Variants in KCTD8 observed in about 807,000 individuals in gnomAD.
KCTD8 encodes potassium channel tetramerization domain containing 8, also known as BTB/POZ domain-containing protein KCTD8.
Under a neutral mutation model 31.5 loss-of-function variants are expected in KCTD8, and 27 were observed. The observed-to-expected ratio is 0.86, with a 90% CI of 0.63 to 1.18. The LOEUF (loss-of-function observed/expected upper bound fraction) is 1.18. Among genes scored for constraint, KCTD8 ranks in the 50% most tolerant of loss-of-function variants. The pLI, the probability that KCTD8 is intolerant of heterozygous loss-of-function variation, is 0.00. For missense variants in KCTD8, 658 were observed against 647.7 expected (o/e 1.02, Z -0.17); for synonymous variants, 290 against 280.0 (o/e 1.04, Z -0.36).
intron 1 of KCTD8, among the ~76,000 whole-genome samples, chr4:44,432,254 C>T (rs766377937): frequency 6.6e-6 from 1 of 151,466 alleles, no homozygotes; most frequent in Non-Finnish European, 1.5e-5. Context: ...CAGTATCCTA[C>T]AACATAGATA....
intron 1 of KCTD8, among the ~76,000 whole-genome samples, chr4:44,283,112 C>T (rs1716948572): frequency 1.3e-5 from 2 of 150,830 alleles, no homozygotes; most frequent in African/African-American, 4.9e-5. Flanking sequence ...GGCTGGAGTG[C>T]AATCTCAGCT....
At chr4:44,259,916 G>C (rs1716111487) in intron 1 of KCTD8, among the ~76,000 whole-genome samples, 1 of 151,730 alleles carries the variant, frequency 6.6e-6, no homozygotes, top group Non-Finnish European at 1.5e-5. Flanking sequence ...GCTACAAATT[G>C]AACATTTTGA....
chr4:44,188,586 T>C (rs1713664093), intron 1 of KCTD8, among the ~76,000 whole-genome samples: 1 of 152,186 alleles, frequency 6.6e-6, no homozygotes. Flanking sequence ...AACCTGTAAA[T>C]GTCACTTTCC....
intron 1 of KCTD8, among the ~76,000 whole-genome samples, chr4:44,175,868 A>C (rs1288967996): frequency 6.6e-6 from 1 of 152,230 alleles, no homozygotes; most frequent in African/African-American, 2.4e-5. Flanking sequence ...TATAAGATAT[A>C]TAGGGGCCTA....
intron 1 of KCTD8, among the ~76,000 whole-genome samples, chr4:44,210,883 T>A (rs912007587): frequency 2.6e-5 from 4 of 152,128 alleles, no homozygotes; most frequent in African/African-American, 9.7e-5. Context: ...GGGCAGAGCA[T>A]CAATGTCATC....
At chr4:44,411,955 T>TTAAGGC (rs1295665954) in intron 1 of KCTD8, among the ~76,000 whole-genome samples, 2 of 152,160 alleles carry the variant, frequency 1.3e-5, no homozygotes, top group East Asian at 3.8e-4. Context: ...TTCTGCTGTT[T>TTAAGGC]TAAGGCACCC....
At chr4:44,311,883 C>G (rs1180417600) in intron 1 of KCTD8, among the ~76,000 whole-genome samples, 1 of 150,200 alleles carries the variant, frequency 6.7e-6, no homozygotes, top group African/African-American at 2.5e-5. Context: ...CTTAAATGGA[C>G]TGAACTAGTA....
intron 1 of KCTD8, among the ~76,000 whole-genome samples, chr4:44,423,260 A>C (rs1315163468): frequency 6.6e-6 from 1 of 152,264 alleles, no homozygotes; most frequent in Non-Finnish European, 1.5e-5. Flanking sequence ...ACCTAAATTA[A>C]TAAAGTAGAC....
intron 1 of KCTD8, among the ~76,000 whole-genome samples, chr4:44,272,110 A>G (rs1716628570): frequency 8.0e-6 from 1 of 124,508 alleles, no homozygotes. Flanking sequence ...ATAAATACCC[A>G]TGGTATTATA....
At chr4:44,283,945 G>C (rs1450308044) in intron 1 of KCTD8, among the ~76,000 whole-genome samples, 1 of 152,106 alleles carries the variant, frequency 6.6e-6, no homozygotes, top group Non-Finnish European at 1.5e-5. Flanking sequence ...TCTTCAAGGA[G>C]AAGTACAGAC....
intron 1 of KCTD8, among the ~76,000 whole-genome samples, chr4:44,313,715 T>C (rs958700759): frequency 1.3e-5 from 2 of 152,178 alleles, no homozygotes; most frequent in African/African-American, 4.8e-5. Context: ...GCAATGGAGA[T>C]ATGATATCCT....
At chr4:44,209,761 T>C (rs919767650) in intron 1 of KCTD8, among the ~76,000 whole-genome samples, 1 of 152,150 alleles carries the variant, frequency 6.6e-6, no homozygotes, top group African/African-American at 2.4e-5. Flanking sequence ...ATGGTAGGGC[T>C]TGAACTGACA....
chr4:44,262,240 C>T (rs932380664), intron 1 of KCTD8, among the ~76,000 whole-genome samples: 27 of 152,096 alleles, frequency 1.8e-4, no homozygotes, highest in Admixed American at 6.5e-5. Context: ...GGGAAGGATG[C>T]TTGATTACAG....
At chr4:44,249,663 C>T (rs1671887587) in intron 1 of KCTD8, among the ~76,000 whole-genome samples, 1 of 151,680 alleles carries the variant, frequency 6.6e-6, no homozygotes, top group African/African-American at 2.4e-5. Flanking sequence ...AATCTCTATC[C>T]AACTATGTAC....
intron 1 of KCTD8, among the ~76,000 whole-genome samples, chr4:44,308,046 CTA>C (rs1300850510): frequency 6.6e-6 from 1 of 151,968 alleles, no homozygotes; most frequent in Non-Finnish European, 1.5e-5. Flanking sequence ...TATCCCTTAT[CTA>C]TTTTTCATAA....
intron 1 of KCTD8, among the ~76,000 whole-genome samples, chr4:44,388,461 C>T (rs956047878): frequency 6.6e-6 from 1 of 151,908 alleles, no homozygotes; most frequent in Non-Finnish European, 1.5e-5. Flanking sequence ...ACCTAAATGT[C>T]CATCAGTGAT....
At chr4:44,420,145 GA>G (rs1032036325) in intron 1 of KCTD8, among the ~76,000 whole-genome samples, 4 of 144,068 alleles carry the variant, frequency 2.8e-5, no homozygotes, top group African/African-American at 5.1e-5. Context: ...TAAATCATAA[GA>G]AAAAAAAAAC....
Position 44,223,596 on chromosome 4 carries a change from C to T in KCTD8, c.962-48346G>A, listed in dbSNP as rs186519788. 2.5e-3 allele frequency among the ~76,000 whole-genome samples: 374 copies of T among 152,296 alleles called. 1 individual carries two copies. The highest frequency in any genetic ancestry group is 8.6e-3 in the African/African-American group (359 of 41,554). ...TTTCAATAAAAAGGGAATACAGTTA[C>T]ACTTTTACTTCACAGAGTTCCTAGT... is the stretch of plus-strand genomic sequence containing the variant. On this transcript the variant is annotated intron_variant, in intron 1 of 1. Coordinates refer to ENST00000360029, the MANE Select transcript of KCTD8 (RefSeq NM_198353.3).
intron 1 of KCTD8, among the ~76,000 whole-genome samples, chr4:44,205,560 T>A (rs1346105958): frequency 6.6e-6 from 1 of 152,194 alleles, no homozygotes; most frequent in Non-Finnish European, 1.5e-5. Context: ...TTTTTGCTGT[T>A]TAATACAAGT....
Sources: allele counts gnomAD v4.1 joint callset (sites outside exome capture counted in the v4.1 genomes callset), GRCh38; gene constraint gnomAD v4.1.1; transcripts MANE v1.5; gene names NCBI Gene and HGNC (gene_info 2026-07-23, HGNC 2026-07-21).